BLM: variants seen among roughly 807,000 people sequenced by gnomAD.
BLM encodes the protein recQ-like DNA helicase BLM.
In BLM, 95 loss-of-function variants were observed where a neutral mutation model predicts 135.3. The observed-to-expected ratio is 0.70, with a 90% CI of 0.59 to 0.83. The LOEUF is 0.83. BLM is among the 40% of genes least tolerant of loss of function. The pLI is 0.00. For missense variants in BLM, 1,518 were observed against 1,663.9 expected (o/e 0.91, Z 1.53); for synonymous variants, 520 against 589.2 (o/e 0.88, Z 1.70).
intron 13 of BLM, 121 bp downstream of exon 13, chr15:90,783,049 C>T: frequency 1.3e-6 from 1 of 752,842 alleles, no homozygotes; most frequent in Non-Finnish European, 2.3e-6. Context: ...CTAACTTGCT[C>T]TTTATAGAGC....
At chr15:90,729,938 CG>C (rs2151131951) in intron 1 of BLM, among the ~76,000 whole-genome samples, 1 of 152,068 alleles carries the variant, frequency 6.6e-6, no homozygotes, top group African/African-American at 2.4e-5. Context: ...CTCCGCCTCC[CG>C]GGTTCAAGCG....
chr15:90,757,668 C>T (rs1895854901), intron 5 of BLM, among the ~76,000 whole-genome samples: 1 of 152,140 alleles, frequency 6.6e-6, no homozygotes, highest in Admixed American at 6.6e-5. Context: ...TCCTTCCTGG[C>T]TTGTAAACCA....
intron 1 of BLM, among the ~76,000 whole-genome samples, chr15:90,736,283 G>C (rs1261895633): frequency 1.3e-5 from 2 of 150,046 alleles, no homozygotes; most frequent in Non-Finnish European, 3.0e-5. Context: ...CTTTTTTTTT[G>C]AGACAGGGTC....
chr15:90,742,244 A>G (rs746018251), intron 1 of BLM, among the ~76,000 whole-genome samples: 5 of 152,318 alleles, frequency 3.3e-5, no homozygotes, highest in African/African-American at 9.6e-5. Context: ...AGTTAGGCTC[A>G]CCACCTTTGC....
intron 1 of BLM, among the ~76,000 whole-genome samples, chr15:90,722,519 G>A (rs906366312): frequency 2.6e-5 from 4 of 151,978 alleles, no homozygotes; most frequent in African/African-American, 4.8e-5. Context: ...CCTGGGCAGC[G>A]GAGGTTGCAG....
intron 19 of BLM, among the ~76,000 whole-genome samples, chr15:90,806,809 G>A (rs17274116): frequency 0.15 from 23,386 of 151,846 alleles, 1,915 homozygotes; most frequent in Non-Finnish European, 0.19. Context: ...TACGATAATC[G>A]GTCATTACAA....
chr15:90,765,263 C>T (rs753203688), intron 8 of BLM, 33 bp from the exon 9 acceptor site: 6 of 1,485,674 alleles, frequency 4.0e-6, no homozygotes, highest in South Asian at 1.1e-5. Context: ...GAAGACAGAA[C>T]CTGACAGATA....
intron 19 of BLM, among the ~76,000 whole-genome samples, chr15:90,805,672 C>T (rs1040044149): frequency 6.6e-6 from 1 of 151,842 alleles, no homozygotes; most frequent in African/African-American, 2.4e-5. Flanking sequence ...CCTGTAATCC[C>T]AGCTACTTGG....
intron 2 of BLM, among the ~76,000 whole-genome samples, chr15:90,748,963 T>G (rs28384985): frequency 0.016 from 2,397 of 152,186 alleles, 55 homozygotes; most frequent in African/African-American, 0.052. Flanking sequence ...TTCACCATGT[T>G]GGCCAGGCTG....
chr15:90,754,889 G>A lies in BLM; in HGVS notation c.1038G>A (p.Glu346=), dbSNP rs1181692024. ...CAAAAGATCTTTTGTCAAAACCTGA[G>A]AAAATGAGTATGCAGGAGCTGAATC... The part of the protein sequence containing the change: ...STSKDLLSKP[E]KMSMQELNPE... The change falls in exon 5 of 22, where the codon GAG becomes GAA. Residue 346 remains glutamate (E), a synonymous_variant. Transcript: ENST00000355112. 1 of 1,613,816 alleles carries A rather than the reference G, an allele frequency of 6.2e-7. No homozygotes were observed. The highest frequency in any genetic ancestry group is 1.3e-5 in the African/African-American group (1 of 74,894).
chr15:90,793,034 C>T (rs1480274578), intron 15 of BLM, among the ~76,000 whole-genome samples: 12 of 150,968 alleles, frequency 7.9e-5, no homozygotes, highest in Non-Finnish European at 1.5e-4. Flanking sequence ...AAAATTTAGG[C>T]CCAAACAATT....
chr15:90,776,790 C>T (rs946793573), intron 12 of BLM, among the ~76,000 whole-genome samples: 1 of 152,134 alleles, frequency 6.6e-6, no homozygotes, highest in Non-Finnish European at 1.5e-5. Context: ...TCTGCCTGCC[C>T]CGGCCTCCCA....
chr15:90,745,680 G>T (rs1002930119), intron 1 of BLM, among the ~76,000 whole-genome samples: 2 of 152,124 alleles, frequency 1.3e-5, no homozygotes, highest in Non-Finnish European at 2.9e-5. Context: ...TAAAGTGCTG[G>T]GTCTATGGGC....
intron 10 of BLM, among the ~76,000 whole-genome samples, chr15:90,768,776 A>C (rs1471134127): frequency 6.6e-6 from 1 of 152,148 alleles, no homozygotes; most frequent in Admixed American, 6.5e-5. Context: ...ACCAGGCTGG[A>C]GTGCAGTGGC....
chr15:90,774,339 T>C (rs2151171087), intron 12 of BLM, among the ~76,000 whole-genome samples: 1 of 151,924 alleles, frequency 6.6e-6, no homozygotes, highest in East Asian at 2.0e-4. Flanking sequence ...CCCAAAGTGC[T>C]GGGCTTATAG....
At chr15:90,770,506 G>T (rs761053323) in intron 12 of BLM, among the ~76,000 whole-genome samples, 1 of 152,116 alleles carries the variant, frequency 6.6e-6, no homozygotes, top group East Asian at 1.9e-4. Flanking sequence ...GGCTGTACTG[G>T]ATTATTTTAT....
intron 12 of BLM, among the ~76,000 whole-genome samples, chr15:90,776,987 T>G (rs1896494332): frequency 9.6e-6 from 1 of 103,804 alleles, no homozygotes; most frequent in African/African-American, 3.7e-5. Context: ...TTGTGGGTTT[T>G]GTTTTGTTTT....
At chr15:90,726,379 C>T (rs1054757408) in intron 1 of BLM, among the ~76,000 whole-genome samples, 6 of 152,224 alleles carry the variant, frequency 3.9e-5, no homozygotes, top group Non-Finnish European at 7.3e-5. Flanking sequence ...AGCAATTCTC[C>T]TGCCTCAGCC....
At chr15:90,719,293 G>A (rs1894703623) in intron 1 of BLM, among the ~76,000 whole-genome samples, 1 of 152,150 alleles carries the variant, frequency 6.6e-6, no homozygotes, top group African/African-American at 2.4e-5. Context: ...CCGGCCATGA[G>A]TGAGATTTTA....
Sources: gnomAD v4.1 joint callset for allele counts (sites outside exome capture counted in the v4.1 genomes callset) on GRCh38, gnomAD v4.1.1 for gene constraint, MANE v1.5 for transcripts, NCBI Gene and HGNC (gene_info 2026-07-23, HGNC 2026-07-21) for gene names.